Variants in TMEM184C observed in about 807,000 individuals in gnomAD.
TMEM184C encodes the protein transmembrane protein 34.
TMEM184C carries 25 observed loss-of-function variants against 54.5 expected under a neutral mutation model. The ratio of observed to expected loss-of-function variants is 0.46; its 90% CI spans 0.33 to 0.64. The LOEUF is 0.64. Ranked by LOEUF, TMEM184C falls within the 30% of genes least tolerant of loss-of-function variation. The pLI is 0.02. For synonymous variants in TMEM184C, 148 were observed against 181.5 expected, an observed-to-expected ratio of 0.82 and a Z score of 1.49; for missense variants, 335 against 520.3, an observed-to-expected ratio of 0.64 and a Z score of 3.46.
chr4:147,632,989 C>T lies in TMEM184C; in HGVS notation c.866C>T (p.Ala289Val). Residue 289 changes from alanine to valine, a missense_variant, in exon 8 of 10, where the codon GCC becomes GTC. Coordinates refer to ENST00000296582, the MANE Select transcript of TMEM184C (RefSeq NM_018241.3). ...GAATGGCAAACTGTAGAAGCTGTGG[C>T]CACCGGACTCCAGGTAAGTAGTGCC... ...TWEWQTVEAV[A>V]TGLQDFIICI... The T allele has an allele frequency of 6.2e-7, 1 of 1,613,568 alleles. No homozygotes were observed. Among genetic ancestry groups the T allele is most frequent in the South Asian group, 1.1e-5 (1 of 90,970 alleles).
rs139333445 is a variant in TMEM184C, at chr4:147,634,069, T to C, written c.1052-100T>C. 1.7e-3 allele frequency: 2,543 copies of C among 1,520,538 alleles called. 34 individuals carry two copies. The African/African-American group carries it at 0.031, about 19-fold the overall frequency. The allele number at this position is 1,520,538 out of a possible 1,614,324, so 94.2% of individuals were successfully genotyped here. A position where few individuals can be genotyped will look rare whatever the true frequency, so the allele number is the denominator to read the frequency against. ...GTACCACAGTGCAGGCTCATCAACT[T>C]TGGGGAGTGGGAGAGGGGGAAGTGG... On this transcript the variant is annotated intron_variant, in intron 9 of 9. Transcript: ENST00000296582.
intron 7 of TMEM184C, chr4:147,632,531 C>T: frequency 5.8e-6 from 1 of 172,672 alleles, no homozygotes; most frequent in Non-Finnish European, 1.2e-5. Context: ...TACTAATCTC[C>T]TTTTGATATT....
chr4:147,619,156 G>A (rs1445630312), intron 1 of TMEM184C, among the ~76,000 whole-genome samples: 3 of 151,796 alleles, frequency 2.0e-5, no homozygotes, highest in Non-Finnish European at 2.9e-5. Context: ...GTGAGCCACC[G>A]CACCCAGCCC....
At chr4:147,620,030 A>G (rs1415814742) in intron 1 of TMEM184C, among the ~76,000 whole-genome samples, 4 of 152,164 alleles carry the variant, frequency 2.6e-5, no homozygotes, top group Non-Finnish European at 2.9e-5. Flanking sequence ...GCTTTGCTCA[A>G]AAATCCCAGG....
chr4:147,617,575 C>G lies in TMEM184C; in HGVS notation c.-382C>G, dbSNP rs1732620276. ...AGCTGCGAGACAGAACCGGAGTGTGCAGGGTCCCTAGAGGCCGGTTCCTGG... is the reference window on the plus strand; with the variant it reads ...AGCTGCGAGACAGAACCGGAGTGTGGAGGGTCCCTAGAGGCCGGTTCCTGG... On this transcript the variant is annotated 5_prime_UTR_variant, in exon 1 of 10. Transcript: ENST00000296582. 1 of 216,326 alleles carries G rather than the reference C, an allele frequency of 4.6e-6. No individual in the cohort carries two copies. Among genetic ancestry groups the G allele is most frequent in the Admixed American group, 4.7e-5 (1 of 21,494 alleles). 13.4% of individuals were successfully genotyped at this position (216,326 alleles called of 1,614,324 possible).
chr4:147,627,558 G>T (rs1732837414), intron 4 of TMEM184C, among the ~76,000 whole-genome samples: 1 of 152,164 alleles, frequency 6.6e-6, no homozygotes, highest in African/African-American at 2.4e-5. Flanking sequence ...GCGTGAGGAT[G>T]GCTTGAGCCC....
rs1021457936 is a variant in TMEM184C, at chr4:147,634,650, G to T, written c.*216G>T. ...CTTAGACTTGATTTCTTAACATTAG[G>T]GTATCGCATACTCAAATGGTAGACA... On this transcript the variant is annotated 3_prime_UTR_variant, in exon 10 of 10. Coordinates refer to ENST00000296582, the MANE Select transcript of TMEM184C (RefSeq NM_018241.3). 14 of 518,940 alleles carry T rather than the reference G, an allele frequency of 2.7e-5. No homozygotes were observed. In the South Asian group the frequency reaches 3.0e-4, roughly 11 times the overall value. 32.1% of individuals were successfully genotyped at this position (518,940 alleles called of 1,614,324 possible). A position where few individuals can be genotyped will look rare whatever the true frequency, so the allele number is the denominator to read the frequency against.
intron 9 of TMEM184C, 66 bp downstream of exon 9, chr4:147,634,002 C>T (rs1732963260): frequency 6.5e-7 from 1 of 1,546,684 alleles, no homozygotes; most frequent in Admixed American, 1.9e-5. Context: ...CCTACTAGGG[C>T]AATTTATTAT....
chr4:147,625,784 C>T (rs1361463824), intron 4 of TMEM184C, among the ~76,000 whole-genome samples: 1 of 152,118 alleles, frequency 6.6e-6, no homozygotes, highest in African/African-American at 2.4e-5. Context: ...GTTCACTTTG[C>T]CAGCCACCTA....
intron 4 of TMEM184C, among the ~76,000 whole-genome samples, chr4:147,627,904 T>TA (rs1732844170): frequency 6.7e-6 from 1 of 149,720 alleles, no homozygotes; most frequent in Non-Finnish European, 1.5e-5. Flanking sequence ...GGTATGCAGA[T>TA]ACAGTTCCAG....
rs1380242202 is a variant in TMEM184C at position 147,633,746 on chromosome 4, CTTA to C, written c.880-16_880-14del. The C allele has an allele frequency of 1.3e-6, 2 of 1,528,094 alleles. No homozygotes were observed. Among genetic ancestry groups the C allele is most frequent in the Non-Finnish European group, 1.8e-6 (2 of 1,134,636 alleles). 94.7% of individuals were successfully genotyped at this position (1,528,094 alleles called of 1,614,324 possible). A position where few individuals can be genotyped will look rare whatever the true frequency, so the allele number is the denominator to read the frequency against. ...ATTTAAATCCAAAGGTGGCTGTTAT[CTTA>C]TTGTTGTTCTCATAGGATTTTATTA... On this transcript the variant is annotated splice_polypyrimidine_tract_variant and intron_variant, in intron 8 of 9. Coordinates refer to ENST00000296582, the MANE Select transcript of TMEM184C (RefSeq NM_018241.3).
In TMEM184C at chr4:147,624,646, T is replaced by C. The variant is rs952051399; in HGVS notation, c.292-158T>C. On this transcript the variant is annotated intron_variant, in intron 3 of 9. Coordinates refer to ENST00000296582, the MANE Select transcript of TMEM184C (RefSeq NM_018241.3). ...TGCTTTTAAGCATTCATTTCACAGA[T>C]TGATAGCCCTCATAATGATAAATTT... is the stretch of plus-strand genomic sequence containing the variant. Among the ~76,000 whole-genome samples the C allele has an allele frequency of 1.5e-4, 23 of 152,176 alleles. 1 individual carries two copies. Among genetic ancestry groups the C allele is most frequent in the Admixed American group, 1.0e-3 (16 of 15,288 alleles).
intron 5 of TMEM184C, 76 bp downstream of exon 5, chr4:147,628,511 T>C: frequency 8.2e-7 from 1 of 1,212,646 alleles, no homozygotes; most frequent in Non-Finnish European, 1.2e-6. Context: ...GTAGAAAACA[T>C]AGTGTTAATG....
In TMEM184C at chr4:147,625,373, A is replaced by G. The variant is rs138847984; in HGVS notation, c.497+364A>G. ...AAGATAATGTAGGTTGTAGAACCAC[A>G]TATGATATGAAGTAGGAGCAATAAG... On this transcript the variant is annotated intron_variant, in intron 4 of 9. Coordinates refer to ENST00000296582, the MANE Select transcript of TMEM184C (RefSeq NM_018241.3). Among the ~76,000 whole-genome samples, 863 of 152,376 alleles carry G rather than the reference A, an allele frequency of 5.7e-3. 10 individuals carry two copies. Among genetic ancestry groups the G allele is most frequent in the African/African-American group, 0.019 (771 of 41,586 alleles).
At position 147,628,443 on chromosome 4, in the gene TMEM184C, C is replaced by T. The variant is rs1732853024; in HGVS notation, c.572+8C>T. On this transcript the variant is annotated splice_region_variant and intron_variant, in intron 5 of 9. Coordinates refer to ENST00000296582, the MANE Select transcript of TMEM184C (RefSeq NM_018241.3). ...CACCACCATCGTTGCTTTGTAAGTA[C>T]TCGGATTTTATATGAACTTTTTTTT... 1.2e-6 allele frequency: 2 copies of T among 1,611,682 alleles called. No individual in the cohort carries two copies. The highest frequency in any genetic ancestry group is 8.5e-7 in the Non-Finnish European group (1 of 1,178,878).
chr4:147,622,114 TG>T (rs1372538570), intron 1 of TMEM184C, among the ~76,000 whole-genome samples: 1 of 151,904 alleles, frequency 6.6e-6, no homozygotes, highest in East Asian at 1.9e-4. Context: ...GCTAATTTTT[TG>T]TATTTTTTGT....
At chr4:147,629,727 A>G (rs1349593580) in intron 6 of TMEM184C, 35 bp downstream of exon 6, 14 of 1,448,554 alleles carry the variant, frequency 9.7e-6, no homozygotes, top group Non-Finnish European at 1.3e-5. Context: ...AAACTGTACT[A>G]AATTCGTATC....
intron 1 of TMEM184C, 91 bp downstream of exon 1, chr4:147,618,170 A>G (rs1732636059): frequency 6.4e-7 from 1 of 1,571,882 alleles, no homozygotes; most frequent in Admixed American, 1.7e-5. Context: ...CTGCCCTGAC[A>G]GTCCTGAAAA....
chr4:147,627,141 C>CAGGACA, intron 4 of TMEM184C, among the ~76,000 whole-genome samples: 1 of 152,290 alleles, frequency 6.6e-6, no homozygotes, highest in East Asian at 1.9e-4. Flanking sequence ...TTGACTGACA[C>CAGGACA]AGGACAAGGA....
Sources: gnomAD v4.1 joint callset for allele counts (sites outside exome capture counted in the v4.1 genomes callset) on GRCh38, gnomAD v4.1.1 for gene constraint, MANE v1.5 for transcripts, NCBI Gene and HGNC (gene_info 2026-07-23, HGNC 2026-07-21) for gene names.